Variants in GSK3B observed in about 807,000 individuals in gnomAD.
The protein encoded by GSK3B is glycogen synthase kinase-3 beta.
GSK3B carries 15 observed loss-of-function variants against 56.4 expected under a neutral mutation model. The ratio of observed to expected loss-of-function variants is 0.27; its 90% CI spans 0.18 to 0.41. The LOEUF (loss-of-function observed/expected upper bound fraction) is 0.41, where lower values mean the gene tolerates loss of function less well. Among genes scored for constraint, GSK3B ranks in the 10% least tolerant of loss-of-function variants. The pLI is 1.00. For missense variants in GSK3B, 300 were observed against 513.4 expected (o/e 0.58, Z 4.02); for synonymous variants, 181 against 188.9 (o/e 0.96, Z 0.34).
intron 1 of GSK3B, among the ~76,000 whole-genome samples, chr3:120,007,085 C>T (rs2057735897): frequency 6.6e-6 from 1 of 152,096 alleles, no homozygotes; most frequent in South Asian, 2.1e-4. Context: ...AAGGGGATCA[C>T]CACTGATCCC....
At chr3:119,835,118 G>A (rs973188798) in intron 10 of GSK3B, among the ~76,000 whole-genome samples, 1 of 152,104 alleles carries the variant, frequency 6.6e-6, no homozygotes, top group African/African-American at 2.4e-5. Flanking sequence ...CATATTAATT[G>A]GCTACCAAGT....
At chr3:120,064,117 T>C (rs1463828476) in intron 1 of GSK3B, among the ~76,000 whole-genome samples, 1 of 152,040 alleles carries the variant, frequency 6.6e-6, no homozygotes, top group South Asian at 2.1e-4. Flanking sequence ...TCAAAAATAC[T>C]AATATATATG....
intron 1 of GSK3B, among the ~76,000 whole-genome samples, chr3:120,050,182 T>C (rs2058137025): frequency 6.6e-6 from 1 of 152,132 alleles, no homozygotes; most frequent in African/African-American, 2.4e-5. Flanking sequence ...AGAACTAATC[T>C]AGTACCACCA....
chr3:119,954,418 A>G, intron 2 of GSK3B, among the ~76,000 whole-genome samples: 1 of 102,678 alleles, frequency 9.7e-6, no homozygotes, highest in East Asian at 3.0e-4. Context: ...TTTTCATGAA[A>G]CTTGTTAATT....
At chr3:120,044,596 A>C (rs1354184450) in intron 1 of GSK3B, among the ~76,000 whole-genome samples, 3 of 152,228 alleles carry the variant, frequency 2.0e-5, no homozygotes, top group Non-Finnish European at 4.4e-5. Flanking sequence ...GATAAATTCA[A>C]AGCCCAAGAC....
chr3:119,870,995 T>A (rs1304879812), intron 8 of GSK3B, among the ~76,000 whole-genome samples: 3 of 152,190 alleles, frequency 2.0e-5, no homozygotes, highest in Non-Finnish European at 4.4e-5. Context: ...TTGTGCCCTC[T>A]AGGCCTCTCT....
chr3:119,828,506 G>A (rs1250679951), intron 10 of GSK3B, among the ~76,000 whole-genome samples: 2 of 152,174 alleles, frequency 1.3e-5, no homozygotes, highest in African/African-American at 4.8e-5. Context: ...TGGTGACACC[G>A]AAAGGCAGAC....
chr3:119,990,802 C>A (rs1282060298), intron 2 of GSK3B, among the ~76,000 whole-genome samples: 1 of 152,196 alleles, frequency 6.6e-6, no homozygotes, highest in African/African-American at 2.4e-5. Flanking sequence ...GTGGCGCATG[C>A]CTGCAAGCCC....
At chr3:120,084,613 G>A (rs902142281) in intron 1 of GSK3B, 34 of 152,148 alleles carry the variant, frequency 2.2e-4, no homozygotes, top group African/African-American at 7.2e-4. Context: ...TGACACTGAC[G>A]CACTCTGCGC....
At chr3:119,867,968 G>T (rs982446873) in intron 8 of GSK3B, among the ~76,000 whole-genome samples, 5 of 151,454 alleles carry the variant, frequency 3.3e-5, no homozygotes, top group African/African-American at 1.2e-4. Flanking sequence ...GACTCAACTG[G>T]GCCAACTAAC....
intron 7 of GSK3B, among the ~76,000 whole-genome samples, chr3:119,896,488 C>CTA (rs1180743690): frequency 2.0e-5 from 3 of 152,040 alleles, no homozygotes; most frequent in African/African-American, 7.3e-5. Context: ...ATCACTAACA[C>CTA]TATAGTTCTT....
chr3:119,927,491 CAA>C (rs1576205563), intron 3 of GSK3B, among the ~76,000 whole-genome samples: 1 of 151,956 alleles, frequency 6.6e-6, no homozygotes, highest in African/African-American at 2.4e-5. Flanking sequence ...ATCCAAGAAA[CAA>C]AGAGATTGGG....
chr3:120,009,085 G>A (rs769088057), intron 1 of GSK3B, among the ~76,000 whole-genome samples: 31 of 152,198 alleles, frequency 2.0e-4, no homozygotes, highest in Non-Finnish European at 3.4e-4. Context: ...ATGAAAAAAT[G>A]CTCATCGTCA....
At chr3:120,068,719 A>AAATAAT (rs542533714) in intron 1 of GSK3B, among the ~76,000 whole-genome samples, 2 of 151,550 alleles carry the variant, frequency 1.3e-5, no homozygotes, top group African/African-American at 4.8e-5. Flanking sequence ...ATAAATAAAT[A>AAATAAT]AATAATAATA....
chr3:119,827,146 T>C (rs557174457), intron 10 of GSK3B, among the ~76,000 whole-genome samples: 1 of 152,318 alleles, frequency 6.6e-6, no homozygotes, highest in Admixed American at 6.5e-5. Context: ...TGGGATCAGC[T>C]GTATATGAAC....
chr3:120,070,252 A>C (rs200679386), intron 1 of GSK3B, among the ~76,000 whole-genome samples: 9,287 of 147,648 alleles, frequency 0.063, 907 homozygotes, highest in African/African-American at 0.22. Flanking sequence ...AAAAAAAAAA[A>C]CATCCTGTAT....
chr3:119,951,041 A>G (rs980995058), intron 2 of GSK3B, among the ~76,000 whole-genome samples: 8 of 152,212 alleles, frequency 5.3e-5, no homozygotes, highest in African/African-American at 1.9e-4. Flanking sequence ...ATGTAGTCCC[A>G]GTTAGAGAAA....
At chr3:119,977,221 C>G (rs1235429782) in intron 2 of GSK3B, among the ~76,000 whole-genome samples, 2 of 152,104 alleles carry the variant, frequency 1.3e-5, no homozygotes, top group Non-Finnish European at 2.9e-5. Context: ...CAGCATAAAA[C>G]AGTCTGTATC....
intron 2 of GSK3B, among the ~76,000 whole-genome samples, chr3:119,985,502 C>G (rs2057507337): frequency 6.6e-6 from 1 of 152,186 alleles, no homozygotes; most frequent in Non-Finnish European, 1.5e-5. Flanking sequence ...GATACAAAAT[C>G]AACGTGCAAA....
Sources: allele counts gnomAD v4.1 joint callset (sites outside exome capture counted in the v4.1 genomes callset), GRCh38; gene constraint gnomAD v4.1.1; transcripts MANE v1.5; gene names NCBI Gene and HGNC (gene_info 2026-07-23, HGNC 2026-07-21).